Variants in UNC13C observed in about 807,000 individuals in gnomAD.
UNC13C encodes the protein protein unc-13 homolog C.
UNC13C carries 174 observed loss-of-function variants against 245.4 expected under a neutral mutation model. The observed-to-expected ratio is 0.71, with a 90% CI of 0.63 to 0.80. The LOEUF (loss-of-function observed/expected upper bound fraction) is 0.80, where lower values mean the gene tolerates loss of function less well. UNC13C is among the 30% of genes least tolerant of loss of function. UNC13C has a pLI of 0.00. For missense variants in UNC13C, 2,829 were observed against 2,602.9 expected, an observed-to-expected ratio of 1.09 and a Z score of -1.89; for synonymous variants, 992 against 895.1, an observed-to-expected ratio of 1.11 and a Z score of -1.93.
At chr15:54,345,088 C>T (rs2038830334) in intron 17 of UNC13C, among the ~76,000 whole-genome samples, 1 of 152,226 alleles carries the variant, frequency 6.6e-6, no homozygotes, top group Non-Finnish European at 1.5e-5. Flanking sequence ...ACCCCTCTTA[C>T]TCTAATGCTG....
Position 54,277,283 on chromosome 15 carries a change from C to T in UNC13C, c.3818+11787C>T, listed in dbSNP as rs1419027176. Among the ~76,000 whole-genome samples, 3 of 152,158 alleles carry T rather than the reference C, an allele frequency of 2.0e-5. No homozygotes were observed. In the East Asian group the frequency reaches 5.8e-4, roughly 29 times the overall value. On this transcript the variant is annotated intron_variant, in intron 10 of 32. Coordinates refer to ENST00000260323, the MANE Select transcript of UNC13C (RefSeq NM_001080534.3). ...CAGTAAACTTTGAAGCTGATTTTGACTAGAATTGGACTGGGAGGGACAATA... is the reference window on the plus strand; with the variant it reads ...CAGTAAACTTTGAAGCTGATTTTGATTAGAATTGGACTGGGAGGGACAATA...
chr15:54,203,023 A>T (rs2034572670), intron 4 of UNC13C, among the ~76,000 whole-genome samples: 1 of 151,968 alleles, frequency 6.6e-6, no homozygotes, highest in South Asian at 2.1e-4. Flanking sequence ...ACAATTCTCA[A>T]AGGAAGATAT....
chr15:53,888,950 T>A, the UNC13C span, among the ~76,000 whole-genome samples: 2 of 152,314 alleles, frequency 1.3e-5, no homozygotes, highest in East Asian at 3.9e-4. Flanking sequence ...TTGGTTTCTG[T>A]AGCCTCGTAG....
chr15:54,442,432 A>C (rs916907241), intron 19 of UNC13C, among the ~76,000 whole-genome samples: 1 of 151,932 alleles, frequency 6.6e-6, no homozygotes, highest in African/African-American at 2.4e-5. Flanking sequence ...AATGTTGGCT[A>C]GGCTCGTCTT....
the UNC13C span, among the ~76,000 whole-genome samples, chr15:53,916,845 A>G: frequency 4.6e-5 from 7 of 152,178 alleles, no homozygotes; most frequent in East Asian, 5.8e-4. Context: ...TCCCACCACT[A>G]CAGTTTCTGA....
At chr15:54,460,083 T>G (rs1207421004) in intron 19 of UNC13C, among the ~76,000 whole-genome samples, 1 of 152,184 alleles carries the variant, frequency 6.6e-6, no homozygotes, top group Non-Finnish European at 1.5e-5. Context: ...TTTTTCCCAT[T>G]GGGTGATCCC....
At chr15:54,541,519 G>C (rs554584107) in intron 26 of UNC13C, among the ~76,000 whole-genome samples, 37 of 152,200 alleles carry the variant, frequency 2.4e-4, no homozygotes, top group Admixed American at 9.8e-4. Flanking sequence ...AGGCAGCACT[G>C]TGTCTTCAAA....
At chr15:54,303,348 G>A (rs566115046) in intron 13 of UNC13C, among the ~76,000 whole-genome samples, 1 of 152,084 alleles carries the variant, frequency 6.6e-6, no homozygotes, top group Non-Finnish European at 1.5e-5. Context: ...CCTAAAGAAA[G>A]GTAGGTTACA....
intron 19 of UNC13C, among the ~76,000 whole-genome samples, chr15:54,432,357 ATTTTTGTGCCAAGATT>A (rs1726436250): frequency 6.7e-6 from 1 of 150,156 alleles, no homozygotes; most frequent in Admixed American, 6.6e-5. Context: ...TAAGGAAGTG[ATTTTTGTGCCAAGATT>A]TCACAAACAA....
chr15:53,931,069 C>T, the UNC13C span, among the ~76,000 whole-genome samples: 2 of 152,184 alleles, frequency 1.3e-5, no homozygotes, highest in African/African-American at 4.8e-5. Context: ...TGTCGAATGC[C>T]ATTCAATGAC....
chr15:54,378,589 C>T (rs938718696), intron 17 of UNC13C, among the ~76,000 whole-genome samples: 2 of 151,344 alleles, frequency 1.3e-5, no homozygotes, highest in Non-Finnish European at 2.9e-5. Context: ...TACACATACA[C>T]TTGCTATAAC....
chr15:54,004,002 C>G (rs1895022984), intron 1 of UNC13C, among the ~76,000 whole-genome samples: 1 of 152,082 alleles, frequency 6.6e-6, no homozygotes, highest in Non-Finnish European at 1.5e-5. Context: ...CAGAGTGAGA[C>G]TCCATCTGAA....
At chr15:54,202,696 C>A (rs1016432652) in intron 4 of UNC13C, among the ~76,000 whole-genome samples, 5 of 151,962 alleles carry the variant, frequency 3.3e-5, no homozygotes, top group African/African-American at 9.7e-5. Flanking sequence ...AAATCTAAGA[C>A]CTGAAACCAT....
chr15:54,307,602 A>G (rs1453898500), intron 13 of UNC13C, among the ~76,000 whole-genome samples: 1 of 152,014 alleles, frequency 6.6e-6, no homozygotes, highest in African/African-American at 2.4e-5. Flanking sequence ...CATGGGGGCT[A>G]TAAGGGCATA....
intron 32 of UNC13C, among the ~76,000 whole-genome samples, chr15:54,624,340 A>C (rs1901002333): frequency 6.6e-6 from 1 of 152,156 alleles, no homozygotes. Context: ...GTGACTTTTA[A>C]ACTGAAACCT....
chr15:54,019,263 C>A (rs1310325099), intron 2 of UNC13C, among the ~76,000 whole-genome samples: 1 of 152,182 alleles, frequency 6.6e-6, no homozygotes, highest in East Asian at 1.9e-4. Context: ...TATGCTTATT[C>A]ACTTCAAAGG....
At chr15:54,344,374 A>G (rs1233221178) in intron 17 of UNC13C, among the ~76,000 whole-genome samples, 1 of 152,238 alleles carries the variant, frequency 6.6e-6, no homozygotes, top group Non-Finnish European at 1.5e-5. Context: ...TCACATCAAA[A>G]TAATCTAATA....
intron 2 of UNC13C, among the ~76,000 whole-genome samples, chr15:54,037,507 G>A (rs553431525): frequency 8.5e-5 from 13 of 152,260 alleles, no homozygotes; most frequent in Middle Eastern, 3.4e-3. Context: ...GCCAATAATT[G>A]TTTCACTGTT....
At chr15:54,530,793 G>A (rs563700535) in intron 25 of UNC13C, among the ~76,000 whole-genome samples, 2 of 152,128 alleles carry the variant, frequency 1.3e-5, no homozygotes, top group South Asian at 2.1e-4. Context: ...TGTGGCTGGT[G>A]CAATGAAACA....
Sources: gnomAD v4.1 joint callset for allele counts (sites outside exome capture counted in the v4.1 genomes callset) on GRCh38, gnomAD v4.1.1 for gene constraint, MANE v1.5 for transcripts, NCBI Gene and HGNC (gene_info 2026-07-23, HGNC 2026-07-21) for gene names.